Variants in NEUROG1 observed in about 807,000 individuals in gnomAD.
The protein encoded by NEUROG1 is neurogenin 1, also known as neurogenin-1.
Under a neutral mutation model 5.7 loss-of-function variants are expected in NEUROG1, and 5 were observed. The observed-to-expected ratio is 0.88, with a 90% CI of 0.46 to 1.85. The LOEUF is 1.85. Ranked by LOEUF, NEUROG1 falls within the 40% of genes most tolerant of loss-of-function variation. The pLI, the probability that NEUROG1 is intolerant of heterozygous loss-of-function variation, is 0.01. For missense variants in NEUROG1, 403 were observed against 345.7 expected (o/e 1.17, Z -1.32); for synonymous variants, 196 against 157.4 (o/e 1.25, Z -1.84).
In NEUROG1 at chr5:135,534,684, G is replaced by A; in HGVS notation, c.*293C>T. The A allele has an allele frequency of 2.8e-6, 1 of 361,574 alleles. No individual in the cohort carries two copies. Among genetic ancestry groups the A allele is most frequent in the Non-Finnish European group, 4.9e-6 (1 of 202,646 alleles). 22.4% of individuals were successfully genotyped at this position (361,574 alleles called of 1,614,324 possible). ...TCTAAATCACACTGAAGTGGTGGCT[G>A]GGGTCAGTTCTGAGCCAGTCACAAA... On this transcript the variant is annotated 3_prime_UTR_variant, in exon 1 of 1. Coordinates refer to ENST00000314744, the MANE Select transcript of NEUROG1 (RefSeq NM_006161.3).
In NEUROG1 at chr5:135,535,123, C is replaced by CGGT. The variant is rs749955200; in HGVS notation, c.567_568insACC (p.Gly189_Ala190insThr). On this transcript the variant is annotated inframe_insertion, in exon 1 of 1. Coordinates refer to ENST00000314744, the MANE Select transcript of NEUROG1 (RefSeq NM_006161.3). ...TCAGAGAGCGGGGAGGCGGCGGCGG[C>CGGT]ACCTGAGCCCCAGGACTCCGCGTCG... 5.6e-6 allele frequency: 9 copies of CGGT among 1,609,536 alleles called. No homozygotes were observed. The highest frequency in any genetic ancestry group is 7.6e-6 in the Non-Finnish European group (9 of 1,178,176).
At position 135,535,206 on chromosome 5, in the gene NEUROG1, T is replaced by C. The variant is rs2126852474; in HGVS notation, c.485A>G (p.Glu162Gly). ...GACGCACTGCGGCGGCAGGAGGCGC[T>C]CCCGGGCACCGCCTCCGGGCAGCCC... ...DQGLPGGGAR[E>G]RLLPPQCVPC... The change falls in exon 1 of 1, where the codon GAG becomes GGG. Residue 162 changes from glutamate (E) to glycine (G), a missense_variant. Coordinates refer to ENST00000314744, the MANE Select transcript of NEUROG1 (RefSeq NM_006161.3). 1 of 1,610,688 alleles carries C rather than the reference T, an allele frequency of 6.2e-7. No homozygotes were observed. Among genetic ancestry groups the C allele is most frequent in the Non-Finnish European group, 8.5e-7 (1 of 1,178,794 alleles).
chr5:135,535,813 C>T lies in NEUROG1; in HGVS notation c.-123G>A. ...ACAGCCTGGGGTTGTTACTCTGTGC[C>T]AGTTGCGGGTGCGAGAGCCTGGAAG... is the stretch of plus-strand genomic sequence containing the variant. On this transcript the variant is annotated 5_prime_UTR_variant, in exon 1 of 1. Coordinates refer to ENST00000314744, the MANE Select transcript of NEUROG1 (RefSeq NM_006161.3). 2 of 946,596 alleles carry T rather than the reference C, an allele frequency of 2.1e-6. No individual in the cohort carries two copies. The highest frequency in any genetic ancestry group is 2.1e-5 in the South Asian group (1 of 48,552). 58.6% of individuals were successfully genotyped at this position (946,596 alleles called of 1,614,324 possible). A position where few individuals can be genotyped will look rare whatever the true frequency, so the allele number is the denominator to read the frequency against.
rs146980767 is a variant in NEUROG1 at position 135,535,379 on chromosome 5, G to A, written c.312C>T (p.Arg104=). The A allele has an allele frequency of 3.3e-5, 53 of 1,612,046 alleles. No homozygotes were observed. The highest frequency in any genetic ancestry group is 4.4e-5 in the Non-Finnish European group (52 of 1,179,158). Residue 104 remains arginine (R), a synonymous_variant, in exon 1 of 1, where the codon CGC becomes CGT. Transcript: ENST00000314744. ...RVKANDRERN[R]MHNLNAALDA... ...CCAGGGCCGCGTTCAAGTTGTGCATGCGGTTGCGCTCGCGATCGTTGGCCT... is the reference window on the plus strand; with the variant it reads ...CCAGGGCCGCGTTCAAGTTGTGCATACGGTTGCGCTCGCGATCGTTGGCCT...
In NEUROG1 at chr5:135,534,712, A is replaced by T. The variant is rs922820844; in HGVS notation, c.*265T>A. 5 of 471,144 alleles carry T rather than the reference A, an allele frequency of 1.1e-5. No homozygotes were observed. The highest frequency in any genetic ancestry group is 1.9e-5 in the Non-Finnish European group (5 of 268,572). 29.2% of individuals were successfully genotyped at this position (471,144 alleles called of 1,614,324 possible). Reference sequence around the variant, plus strand: ...GTCAGTTCTGAGCCAGTCACAAAGGAGGTTTTGTGGAGTTCAGAAAGTGCA... The same window carrying T: ...GTCAGTTCTGAGCCAGTCACAAAGGTGGTTTTGTGGAGTTCAGAAAGTGCA... On this transcript the variant is annotated 3_prime_UTR_variant, in exon 1 of 1. Coordinates refer to ENST00000314744, the MANE Select transcript of NEUROG1 (RefSeq NM_006161.3).
In NEUROG1 at chr5:135,534,714, G is replaced by A. The variant is rs1750494736; in HGVS notation, c.*263C>T. On this transcript the variant is annotated 3_prime_UTR_variant, in exon 1 of 1. Transcript: ENST00000314744. ...CAGTTCTGAGCCAGTCACAAAGGAG[G>A]TTTTGTGGAGTTCAGAAAGTGCAAA... 1 of 490,880 alleles carries A rather than the reference G, an allele frequency of 2.0e-6. No individual in the cohort carries two copies. Among genetic ancestry groups the A allele is most frequent in the Non-Finnish European group, 3.6e-6 (1 of 279,854 alleles). The allele number at this position is 490,880 out of a possible 1,614,324, so 30.4% of individuals were successfully genotyped here. A position where few individuals can be genotyped will look rare whatever the true frequency, so the allele number is the denominator to read the frequency against.
At position 135,534,942 on chromosome 5, in the gene NEUROG1, A is replaced by C; in HGVS notation, c.*35T>G. 1 of 1,592,074 alleles carries C rather than the reference A, an allele frequency of 6.3e-7. No individual in the cohort carries two copies. Among genetic ancestry groups the C allele is most frequent in the Non-Finnish European group, 8.5e-7 (1 of 1,169,962 alleles). ...GGGCCCCATCTATTGCCTGCTGACT[A>C]GGGGAGGGGGAAAGTAACAGTGTCT... On this transcript the variant is annotated 3_prime_UTR_variant, in exon 1 of 1. Transcript: ENST00000314744.
chr5:135,535,498 G>A lies in NEUROG1; in HGVS notation c.193C>T (p.Gln65Ter). ...CGCCGCCTCTCCTGCTCGTCGTCCTGTGCCCCTGGAACCTCAGACGCCCGG... is the reference window on the plus strand; with the variant it reads ...CGCCGCCTCTCCTGCTCGTCGTCCTATGCCCCTGGAACCTCAGACGCCCGG... ...ISRASEVPGA[Q>*]DDEQERRRRR... The change falls in exon 1 of 1, where the codon CAG (glutamine) becomes TAG (stop). Residue 65 changes from glutamine to a stop codon, truncating the protein, a stop_gained. Transcript: ENST00000314744. LOFTEE classifies it high-confidence loss of function. The A allele has an allele frequency of 6.3e-7, 1 of 1,575,598 alleles. No homozygotes were observed. Among genetic ancestry groups the A allele is most frequent in the Admixed American group, 1.8e-5 (1 of 55,778 alleles).
In NEUROG1 at chr5:135,535,778, T is replaced by TA. The variant is rs1295792580; in HGVS notation, c.-89dup. 3.2e-6 allele frequency: 4 copies of TA among 1,255,076 alleles called. No individual in the cohort carries two copies. Among genetic ancestry groups the TA allele is most frequent in the African/African-American group, 1.6e-5 (1 of 63,224 alleles). 77.7% of individuals were successfully genotyped at this position (1,255,076 alleles called of 1,614,324 possible). A position where few individuals can be genotyped will look rare whatever the true frequency, so the allele number is the denominator to read the frequency against. ...GAGGGCAGAGCCGCCAGGGCGCACT[T>TA]ACGTTCCCAACAGCCTGGGGTTGTT... On this transcript the variant is annotated 5_prime_UTR_variant, in exon 1 of 1. Coordinates refer to ENST00000314744, the MANE Select transcript of NEUROG1 (RefSeq NM_006161.3).
rs753469599 is a variant in NEUROG1 at position 135,535,684 on chromosome 5, C to T, written c.7G>A (p.Ala3Thr). The change falls in exon 1 of 1, where the codon GCC becomes ACC. Residue 3 changes from alanine (A) to threonine (T), a missense_variant. Coordinates refer to ENST00000314744, the MANE Select transcript of NEUROG1 (RefSeq NM_006161.3). MP[A>T]RLETCISDLD... ...TCGGAGATGCAGGTCTCAAGGCGGG[C>T]TGGCATCGTTGCGCTGTGCAGGACC... 23 of 1,558,866 alleles carry T rather than the reference C, an allele frequency of 1.5e-5. No individual in the cohort carries two copies. In the Admixed American group the frequency reaches 4.4e-4, roughly 30 times the overall value.
Position 135,535,925 on chromosome 5 carries a change from G to T in NEUROG1, c.-235C>A, listed in dbSNP as rs879701948. 6.6e-6 allele frequency: 3 copies of T among 451,316 alleles called. No homozygotes were observed. Among genetic ancestry groups the T allele is most frequent in the Non-Finnish European group, 1.2e-5 (3 of 256,172 alleles). The allele number at this position is 451,316 out of a possible 1,614,324, so 28.0% of individuals were successfully genotyped here. ...CCCGGCCGGTCTCCTGAGTGATGTC[G>T]CCGGCGATCAGATCAGCTCGTGTGA... is the stretch of plus-strand genomic sequence containing the variant. On this transcript the variant is annotated 5_prime_UTR_variant, in exon 1 of 1. Coordinates refer to ENST00000314744, the MANE Select transcript of NEUROG1 (RefSeq NM_006161.3).
chr5:135,535,580 CTGT>C lies in NEUROG1; in HGVS notation c.108_110del (p.Gln37del), dbSNP rs1158824397. ...CGGGCGGCCCCGAAGCGGAGGCTGC[CTGT>C]TGGAGTCTGGCACAGTCTTCCTCGT... On this transcript the variant is annotated inframe_deletion, in exon 1 of 1. Coordinates refer to ENST00000314744, the MANE Select transcript of NEUROG1 (RefSeq NM_006161.3). 6.3e-7 allele frequency: 1 copy of C among 1,588,624 alleles called. No homozygotes were observed. The highest frequency in any genetic ancestry group is 8.5e-7 in the Non-Finnish European group (1 of 1,173,944).
chr5:135,535,532 G>C lies in NEUROG1; in HGVS notation c.159C>G (p.Pro53=). 6.4e-7 allele frequency: 1 copy of C among 1,573,770 alleles called. No individual in the cohort carries two copies. Among genetic ancestry groups the C allele is most frequent in the Non-Finnish European group, 8.6e-7 (1 of 1,166,886 alleles). Residue 53 remains proline, a synonymous_variant, in exon 1 of 1, where the codon CCC becomes CCG. Transcript: ENST00000314744. ...GPPAPARRGA[P]NISRASEVPG... ...GAACCTCAGACGCCCGGGAGATATT[G>C]GGCGCGCCCCTGCGGGCCGGCGCGG...
Position 135,535,501 on chromosome 5 carries a change from C to G in NEUROG1, c.190G>C (p.Ala64Pro), listed in dbSNP as rs1175911693. 1.3e-6 allele frequency: 2 copies of G among 1,574,892 alleles called. No individual in the cohort carries two copies. The highest frequency in any genetic ancestry group is 3.6e-5 in the Admixed American group (2 of 55,702). ...CGCCTCTCCTGCTCGTCGTCCTGTG[C>G]CCCTGGAACCTCAGACGCCCGGGAG... is the stretch of plus-strand genomic sequence containing the variant. ...NISRASEVPG[A>P]QDDEQERRRR... The change falls in exon 1 of 1, where the codon GCA becomes CCA. Residue 64 changes from alanine to proline, a missense_variant. Coordinates refer to ENST00000314744, the MANE Select transcript of NEUROG1 (RefSeq NM_006161.3).
At position 135,534,903 on chromosome 5, in the gene NEUROG1, C is replaced by A. The variant is rs578165038; in HGVS notation, c.*74G>T. ...CTCCCTCCGCCTGGAGAGGGGGTCC[C>A]GAGGCGGCAGCTGGGGCCCCATCTA... On this transcript the variant is annotated 3_prime_UTR_variant, in exon 1 of 1. Transcript: ENST00000314744. 1.1e-3 allele frequency: 1,617 copies of A among 1,463,894 alleles called. 5 individuals are homozygous for A. The highest frequency in any genetic ancestry group is 1.3e-3 in the Non-Finnish European group (1,436 of 1,082,088). The allele number at this position is 1,463,894 out of a possible 1,614,324, so 90.7% of individuals were successfully genotyped here.
chr5:135,535,813 C>A lies in NEUROG1; in HGVS notation c.-123G>T. On this transcript the variant is annotated 5_prime_UTR_variant, in exon 1 of 1. Coordinates refer to ENST00000314744, the MANE Select transcript of NEUROG1 (RefSeq NM_006161.3). ...ACAGCCTGGGGTTGTTACTCTGTGC[C>A]AGTTGCGGGTGCGAGAGCCTGGAAG... The A allele has an allele frequency of 1.1e-6, 1 of 946,596 alleles. No homozygotes were observed. The highest frequency in any genetic ancestry group is 1.5e-6 in the Non-Finnish European group (1 of 659,866). 58.6% of individuals were successfully genotyped at this position (946,596 alleles called of 1,614,324 possible). A position where few individuals can be genotyped will look rare whatever the true frequency, so the allele number is the denominator to read the frequency against.
Position 135,535,636 on chromosome 5 carries a change from C to T in NEUROG1, c.55G>A (p.Gly19Ser), listed in dbSNP as rs757655390. The change falls in exon 1 of 1, where the codon GGC becomes AGC. Residue 19 changes from glycine (G) to serine (S), a missense_variant. By Grantham distance (56) the Gly-to-Ser change is moderately conservative. Coordinates refer to ENST00000314744, the MANE Select transcript of NEUROG1 (RefSeq NM_006161.3). ...GTGAGGAAGCCGGATAGGTCACTGC[C>T]GCTGCTGCTGGCGCAGTCGAGGTCG... Reference protein sequence around the residue: ...ISDLDCASSSGSDLSGFLTDE... With the variant: ...ISDLDCASSSSSDLSGFLTDE... The T allele has an allele frequency of 5.7e-6, 9 of 1,587,934 alleles. No homozygotes were observed. Among genetic ancestry groups the T allele is most frequent in the African/African-American group, 1.4e-5 (1 of 72,612 alleles).
At position 135,535,665 on chromosome 5, in the gene NEUROG1, A is replaced by G. The variant is rs761454084; in HGVS notation, c.26T>C (p.Ile9Thr). Residue 9 changes from isoleucine to threonine, a missense_variant, in exon 1 of 1, where the codon ATC (isoleucine) becomes ACC (threonine). Transcript: ENST00000314744. ...GCTGCTGGCGCAGTCGAGGTCGGAG[A>G]TGCAGGTCTCAAGGCGGGCTGGCAT... MPARLETC[I>T]SDLDCASSSG... The G allele has an allele frequency of 6.4e-7, 1 of 1,574,542 alleles. No individual in the cohort carries two copies.
At position 135,535,538 on chromosome 5, in the gene NEUROG1, G is replaced by A. The variant is rs1318826023; in HGVS notation, c.153C>T (p.Gly51=). ...ASGPPAPARR[G]APNISRASEV... ...CAGACGCCCGGGAGATATTGGGCGC[G>A]CCCCTGCGGGCCGGCGCGGGCGGCC... Residue 51 remains glycine (G), a synonymous_variant, in exon 1 of 1, where the codon GGC becomes GGT. Transcript: ENST00000314744. 1.3e-6 allele frequency: 2 copies of A among 1,569,810 alleles called. No homozygotes were observed. The highest frequency in any genetic ancestry group is 3.6e-5 in the Admixed American group (2 of 55,144).
Sources: gnomAD v4.1 joint callset for allele counts on GRCh38, gnomAD v4.1.1 for gene constraint, MANE v1.5 for transcripts, NCBI Gene and HGNC (gene_info 2026-07-23, HGNC 2026-07-21) for gene names.